FLRT2: variants seen among roughly 807,000 people sequenced by gnomAD.
FLRT2 encodes the protein leucine-rich repeat transmembrane protein FLRT2.
A neutral mutation model predicts 40.0 loss-of-function variants in FLRT2; 15 were observed. That is an observed-to-expected ratio of 0.38 (90% CI 0.25 to 0.58). The LOEUF is 0.58. Among genes scored for constraint, FLRT2 ranks in the 20% least tolerant of loss-of-function variants. The pLI is 0.71. For synonymous variants in FLRT2, 380 were observed against 336.8 expected, an observed-to-expected ratio of 1.13 and a Z score of -1.41; for missense variants, 726 against 840.0, an observed-to-expected ratio of 0.86 and a Z score of 1.68.
chr14:85,538,444 G>T (rs1030860204), intron 1 of FLRT2, among the ~76,000 whole-genome samples: 1 of 152,080 alleles, frequency 6.6e-6, no homozygotes, highest in African/African-American at 2.4e-5. Context: ...ATGCTCATTA[G>T]AACTGAGCAG....
At chr14:85,577,400 A>T (rs969836272) in intron 1 of FLRT2, among the ~76,000 whole-genome samples, 14 of 152,178 alleles carry the variant, frequency 9.2e-5, no homozygotes, top group South Asian at 2.1e-4. Context: ...AAGCACATGC[A>T]TGAAGAGGAG....
intron 1 of FLRT2, among the ~76,000 whole-genome samples, chr14:85,539,516 G>A (rs1218830032): frequency 6.6e-6 from 1 of 152,040 alleles, no homozygotes; most frequent in Non-Finnish European, 1.5e-5. Flanking sequence ...CTTTGTGGTG[G>A]GGAGTGAGAA....
In FLRT2 at chr14:85,653,815, A is replaced by G. The variant is rs1405963398; in HGVS notation, c.*30318A>G. 6.6e-6 allele frequency: 1 copy of G among 152,212 alleles called. No homozygotes were observed. The highest frequency in any genetic ancestry group is 1.5e-5 in the Non-Finnish European group (1 of 68,038). The allele number at this position is 152,212 out of a possible 1,614,324, so 9.4% of individuals were successfully genotyped here. A position where few individuals can be genotyped will look rare whatever the true frequency, so the allele number is the denominator to read the frequency against. ...TGTGACTCCTTCTCTGTGTGTTGCTATTAAAGACATTAAGAACTGAGCTGA... is the reference window on the plus strand; with the variant it reads ...TGTGACTCCTTCTCTGTGTGTTGCTGTTAAAGACATTAAGAACTGAGCTGA... On this transcript the variant is annotated 3_prime_UTR_variant, in exon 2 of 2. Transcript: ENST00000330753.
At chr14:85,542,072 G>T (rs537241096) in intron 1 of FLRT2, among the ~76,000 whole-genome samples, 1 of 152,182 alleles carries the variant, frequency 6.6e-6, no homozygotes, top group African/African-American at 2.4e-5. Flanking sequence ...CTTGCTTAAG[G>T]CTTATTCTAT....
rs1219864040 is a variant in FLRT2 at position 85,650,551 on chromosome 14, A to G, written c.*27054A>G. The stretch of plus-strand genomic sequence containing the variant: ...TTTTAACTTTACTAAATACTGTAAA[A>G]TTGTTCTCTGTGTGCCAATTTTCTT... On this transcript the variant is annotated 3_prime_UTR_variant, in exon 2 of 2. Transcript: ENST00000330753. The G allele has an allele frequency of 6.6e-6, 1 of 152,022 alleles. No homozygotes were observed. The highest frequency in any genetic ancestry group is 1.5e-5 in the Non-Finnish European group (1 of 67,972). The allele number at this position is 152,022 out of a possible 1,614,324, so 9.4% of individuals were successfully genotyped here.
At chr14:85,589,118 G>T (rs940220949) in intron 1 of FLRT2, among the ~76,000 whole-genome samples, 2 of 152,210 alleles carry the variant, frequency 1.3e-5, no homozygotes, top group East Asian at 3.9e-4. Flanking sequence ...TTTCTTTGGG[G>T]TATATATCCA....
chr14:85,548,633 G>A (rs1045331831), intron 1 of FLRT2, among the ~76,000 whole-genome samples: 3 of 152,204 alleles, frequency 2.0e-5, no homozygotes, highest in Non-Finnish European at 2.9e-5. Flanking sequence ...ACATCTGGAT[G>A]TTTTGGAAAA....
At chr14:85,614,606 C>T (rs1471832131) in intron 1 of FLRT2, among the ~76,000 whole-genome samples, 3 of 152,092 alleles carry the variant, frequency 2.0e-5, no homozygotes, top group Non-Finnish European at 4.4e-5. Flanking sequence ...TAATCATCAG[C>T]CCCACTTGGG....
chr14:85,540,659 A>G (rs1410012085), intron 1 of FLRT2, among the ~76,000 whole-genome samples: 1 of 152,144 alleles, frequency 6.6e-6, no homozygotes, highest in East Asian at 1.9e-4. Flanking sequence ...GTCTGTATCC[A>G]ACAACATTCT....
At chr14:85,612,667 A>C (rs1005497916) in intron 1 of FLRT2, among the ~76,000 whole-genome samples, 2 of 152,218 alleles carry the variant, frequency 1.3e-5, no homozygotes, top group Non-Finnish European at 2.9e-5. Context: ...TCTCCTGAAC[A>C]TAGCCTGACA....
In FLRT2 at chr14:85,623,354, A is replaced by C; in HGVS notation, c.1840A>C (p.Asn614His). 1 of 1,524,478 alleles carries C rather than the reference A, an allele frequency of 6.6e-7. No homozygotes were observed. The highest frequency in any genetic ancestry group is 1.3e-5 in the South Asian group (1 of 75,990). The allele number at this position is 1,524,478 out of a possible 1,614,324, so 94.4% of individuals were successfully genotyped here. A position where few individuals can be genotyped will look rare whatever the true frequency, so the allele number is the denominator to read the frequency against. Reference protein sequence around the residue: ...ETSFQIVSLNNDQLLKGDFRL... With the variant: ...ETSFQIVSLNHDQLLKGDFRL... The stretch of plus-strand genomic sequence containing the variant: ...CAGTTTTCAGATCGTCTCCTTAAAT[A>C]ACGATCAACTCCTTAAAGGAGATTT... The change falls in exon 2 of 2, where the codon AAC becomes CAC. Residue 614 changes from asparagine (N) to histidine (H), a missense_variant. Physicochemically the swap from Asn to His is moderately conservative, Grantham distance 68 (BLOSUM62 1). Coordinates refer to ENST00000330753, the MANE Select transcript of FLRT2 (RefSeq NM_013231.6).
Position 85,631,982 on chromosome 14 carries a change from T to G in FLRT2, c.*8485T>G, listed in dbSNP as rs541504683. 2.0e-5 allele frequency: 3 copies of G among 151,640 alleles called. No homozygotes were observed. Among genetic ancestry groups the G allele is most frequent in the South Asian group, 4.2e-4 (2 of 4,752 alleles). 9.4% of individuals were successfully genotyped at this position (151,640 alleles called of 1,614,324 possible). The stretch of plus-strand genomic sequence containing the variant: ...CTGGGACTACAGGCGTGCACCACCA[T>G]GCCTGGCTAATTTTTTGTATTTTTA... On this transcript the variant is annotated 3_prime_UTR_variant, in exon 2 of 2. Coordinates refer to ENST00000330753, the MANE Select transcript of FLRT2 (RefSeq NM_013231.6).
At chr14:85,533,615 G>A (rs1261588051) in intron 1 of FLRT2, among the ~76,000 whole-genome samples, 3 of 152,168 alleles carry the variant, frequency 2.0e-5, no homozygotes, top group Admixed American at 6.5e-5. Flanking sequence ...CGGAGAGGGG[G>A]AGGCGGAGGA....
At chr14:85,612,166 T>G (rs148844798) in intron 1 of FLRT2, among the ~76,000 whole-genome samples, 1 of 148,486 alleles carries the variant, frequency 6.7e-6, no homozygotes, top group Non-Finnish European at 1.5e-5. Context: ...AAAACACAGT[T>G]AAGTGGTTGA....
chr14:85,593,745 A>G (rs577118231), intron 1 of FLRT2, among the ~76,000 whole-genome samples: 11 of 152,340 alleles, frequency 7.2e-5, no homozygotes, highest in African/African-American at 1.9e-4. Context: ...TGAGCATTAA[A>G]GATACTTAGC....
chr14:85,592,110 C>G (rs763047496), intron 1 of FLRT2, among the ~76,000 whole-genome samples: 1 of 151,380 alleles, frequency 6.6e-6, no homozygotes, highest in Admixed American at 6.6e-5. Context: ...TGCAGTGGGT[C>G]GTTAAAACAG....
intron 1 of FLRT2, among the ~76,000 whole-genome samples, chr14:85,570,140 C>T (rs1890819171): frequency 6.6e-6 from 1 of 152,210 alleles, no homozygotes; most frequent in Non-Finnish European, 1.5e-5. Context: ...TATTTTGACA[C>T]ATAAATTGTA....
intron 1 of FLRT2, among the ~76,000 whole-genome samples, chr14:85,550,157 G>A (rs1413590964): frequency 1.3e-5 from 2 of 152,174 alleles, no homozygotes; most frequent in East Asian, 3.9e-4. Flanking sequence ...ATGTAGAGGA[G>A]GCTGGCTTAT....
At position 85,602,446 on chromosome 14, in the gene FLRT2, G is replaced by C. The variant is rs150881926; in HGVS notation, c.-376-18693G>C. ...GGCACTTCCGATTTTATTAAAGCAC[G>C]CTGGAGCTCAAAGAACAAATTGGAG... On this transcript the variant is annotated intron_variant, in intron 1 of 1. Coordinates refer to ENST00000330753, the MANE Select transcript of FLRT2 (RefSeq NM_013231.6). Among the ~76,000 whole-genome samples, 9 of 152,262 alleles carry C rather than the reference G, an allele frequency of 5.9e-5. No individual in the cohort carries two copies. The East Asian group carries it at 1.4e-3, about 23-fold the overall frequency.
Sources: gnomAD v4.1 joint callset for allele counts (sites outside exome capture counted in the v4.1 genomes callset) on GRCh38, gnomAD v4.1.1 for gene constraint, MANE v1.5 for transcripts, NCBI Gene and HGNC (gene_info 2026-07-23, HGNC 2026-07-21) for gene names.